Variants in MED27 observed in about 807,000 individuals in gnomAD.
The protein encoded by MED27 is mediator of RNA polymerase II transcription subunit 27.
In MED27, 30 loss-of-function variants were observed where a neutral mutation model predicts 38.2. The ratio of observed to expected loss-of-function variants is 0.79; its 90% CI spans 0.59 to 1.07. The LOEUF (loss-of-function observed/expected upper bound fraction) is 1.07. MED27 is among the 50% of genes least tolerant of loss of function. The probability of loss-of-function intolerance (pLI) is 0.00; values close to 1 mark genes in which losing one functional copy is unlikely to be tolerated. For synonymous variants in MED27, 122 were observed against 153.5 expected (o/e 0.79, Z 1.52); for missense variants, 289 against 397.5 (o/e 0.73, Z 2.32).
intron 3 of MED27, among the ~76,000 whole-genome samples, chr9:131,944,197 C>CT (rs1246808211): frequency 6.6e-6 from 1 of 152,176 alleles, no homozygotes; most frequent in Non-Finnish European, 1.5e-5. Context: ...CAGCTTGCTC[C>CT]TTTCAATGGC....
intron 4 of MED27, among the ~76,000 whole-genome samples, chr9:131,901,417 T>G (rs781677163): frequency 2.6e-5 from 4 of 152,134 alleles, no homozygotes; most frequent in Non-Finnish European, 5.9e-5. Flanking sequence ...CTAGGGAGGT[T>G]AAGAAGTATC....
chr9:131,904,025 A>G (rs1043075323), intron 4 of MED27, among the ~76,000 whole-genome samples: 1 of 151,272 alleles, frequency 6.6e-6, no homozygotes, highest in African/African-American at 2.4e-5. Flanking sequence ...CTGCCTCCTG[A>G]GTAGCTGGGA....
intron 2 of MED27, among the ~76,000 whole-genome samples, chr9:132,045,937 C>T (rs1014212001): frequency 2.6e-5 from 4 of 152,136 alleles, no homozygotes; most frequent in African/African-American, 9.7e-5. Context: ...AGCCTAATGG[C>T]TGGAGCTCCA....
chr9:131,990,422 A>G (rs2131040722), intron 3 of MED27, among the ~76,000 whole-genome samples: 1 of 152,216 alleles, frequency 6.6e-6, no homozygotes, highest in South Asian at 2.1e-4. Flanking sequence ...TGCACACACT[A>G]TTTACATGTT....
At chr9:131,906,707 G>T (rs551626801) in intron 4 of MED27, among the ~76,000 whole-genome samples, 1 of 152,324 alleles carries the variant, frequency 6.6e-6, no homozygotes, top group Non-Finnish European at 1.5e-5. Context: ...CCGAGAGAGG[G>T]TTCTCGGATC....
At chr9:131,919,374 T>C (rs922663337) in intron 4 of MED27, among the ~76,000 whole-genome samples, 2 of 152,112 alleles carry the variant, frequency 1.3e-5, no homozygotes, top group South Asian at 2.1e-4. Context: ...TTGGAGACTC[T>C]AGGGAGCTGA....
chr9:131,967,485 CTTTTTTT>C lies in MED27; in HGVS notation c.480-28018_480-28012del, dbSNP rs560957988. ...CAGAAAACACTTTCCTCTCATGAAT[CTTTTTTT>C]TTTTTTTTTAAGTTTTGAGATGGAG... On this transcript the variant is annotated intron_variant, in intron 3 of 7. Transcript: ENST00000292035. Among the ~76,000 whole-genome samples, 3 of 141,396 alleles carry C rather than the reference CTTTTTTT, an allele frequency of 2.1e-5. No individual in the cohort carries two copies. The Admixed American group carries it at 2.1e-4, about 10-fold the overall frequency. 92.8% of individuals were successfully genotyped at this position (141,396 alleles called of 152,430 possible). A position where few individuals can be genotyped will look rare whatever the true frequency, so the allele number is the denominator to read the frequency against.
intron 3 of MED27, among the ~76,000 whole-genome samples, chr9:131,979,300 A>G (rs1218799829): frequency 1.3e-5 from 2 of 152,170 alleles, no homozygotes. Context: ...AGCACAACCA[A>G]TGAATGAAAT....
intron 3 of MED27, among the ~76,000 whole-genome samples, chr9:131,985,596 T>C (rs1831832422): frequency 6.6e-6 from 1 of 152,218 alleles, no homozygotes; most frequent in South Asian, 2.1e-4. Flanking sequence ...GCCTGTCACA[T>C]AGAAGCACAG....
At chr9:131,925,588 T>TA (rs1283684879) in intron 4 of MED27, among the ~76,000 whole-genome samples, 1 of 152,110 alleles carries the variant, frequency 6.6e-6, no homozygotes, top group Non-Finnish European at 1.5e-5. Flanking sequence ...TGAAATTTAG[T>TA]AAAAAACACA....
intron 5 of MED27, among the ~76,000 whole-genome samples, chr9:131,893,129 A>G (rs1839255991): frequency 6.6e-6 from 1 of 152,322 alleles, no homozygotes; most frequent in South Asian, 2.1e-4. Flanking sequence ...TCATACTAAC[A>G]AACTTTTACA....
intron 4 of MED27, among the ~76,000 whole-genome samples, chr9:131,926,625 A>G (rs531863782): frequency 1.3e-5 from 2 of 152,376 alleles, no homozygotes; most frequent in South Asian, 4.1e-4. Flanking sequence ...CCTGAGCACT[A>G]TTGAACTCAG....
chr9:131,987,113 C>A (rs184483704), intron 3 of MED27, among the ~76,000 whole-genome samples: 108 of 146,850 alleles, frequency 7.4e-4, no homozygotes, highest in Admixed American at 1.9e-3. Context: ...CACTGCTCCA[C>A]TGCCTCCTGG....
chr9:131,931,365 A>T (rs1589218789), intron 4 of MED27, among the ~76,000 whole-genome samples: 1 of 152,318 alleles, frequency 6.6e-6, no homozygotes, highest in Non-Finnish European at 1.5e-5. Context: ...CACACAAAAA[A>T]TAAACAGCAA....
At chr9:132,058,343 C>T (rs4246167) in intron 2 of MED27, among the ~76,000 whole-genome samples, 83,958 of 151,966 alleles carry the variant, frequency 0.55, 25,164 homozygotes, top group Non-Finnish European at 0.66. Flanking sequence ...CCCCACATGT[C>T]GTGGGAGGGA....
At chr9:132,056,102 A>AAT (rs1458023357) in intron 2 of MED27, among the ~76,000 whole-genome samples, 1 of 152,214 alleles carries the variant, frequency 6.6e-6, no homozygotes, top group Non-Finnish European at 1.5e-5. Context: ...TTTATCCTCG[A>AAT]ATATAACAGG....
intron 5 of MED27, among the ~76,000 whole-genome samples, chr9:131,888,321 G>A (rs1451838025): frequency 6.6e-6 from 1 of 152,198 alleles, no homozygotes; most frequent in Non-Finnish European, 1.5e-5. Flanking sequence ...GTCCACCATT[G>A]CATAGTTAAT....
At chr9:132,049,067 A>G (rs1041380043) in intron 2 of MED27, among the ~76,000 whole-genome samples, 2 of 152,220 alleles carry the variant, frequency 1.3e-5, no homozygotes, top group African/African-American at 4.8e-5. Flanking sequence ...GGAGCAACCA[A>G]TCAGTTTTGG....
At chr9:131,914,782 C>G (rs1486356920) in intron 4 of MED27, among the ~76,000 whole-genome samples, 1 of 152,090 alleles carries the variant, frequency 6.6e-6, no homozygotes, top group Non-Finnish European at 1.5e-5. Context: ...GGCAGAGAGG[C>G]CAGTTGGGAG....
Sources: allele counts gnomAD v4.1 joint callset (sites outside exome capture counted in the v4.1 genomes callset), GRCh38; gene constraint gnomAD v4.1.1; transcripts MANE v1.5; gene names NCBI Gene and HGNC (gene_info 2026-07-23, HGNC 2026-07-21).